The following ESRRB variants were observed in gnomAD, a reference collection of about 807,000 sequenced individuals.
ESRRB encodes steroid hormone receptor ERR2.
Under a neutral mutation model 46.0 loss-of-function variants are expected in ESRRB, and 16 were observed. The observed-to-expected ratio is 0.35, with a 90% CI of 0.24 to 0.53. The LOEUF is 0.53. Among genes scored for constraint, ESRRB ranks in the 20% least tolerant of loss-of-function variants. ESRRB has a pLI of 0.93. For synonymous variants in ESRRB, 246 were observed against 259.6 expected (o/e 0.95, Z 0.50); for missense variants, 488 against 607.4 (o/e 0.80, Z 2.07).
intron 1 of ESRRB, among the ~76,000 whole-genome samples, chr14:76,409,461 C>G (rs776503324): frequency 6.6e-6 from 1 of 152,096 alleles, no homozygotes; most frequent in East Asian, 1.9e-4. Flanking sequence ...GATGCCGTGG[C>G]GACGGTCTTC....
chr14:76,457,327 GAA>G (rs1294887501), intron 2 of ESRRB, among the ~76,000 whole-genome samples: 1 of 152,282 alleles, frequency 6.6e-6, no homozygotes, highest in African/African-American at 2.4e-5. Flanking sequence ...CCAACACCTA[GAA>G]AAGACTTATC....
intron 1 of ESRRB, among the ~76,000 whole-genome samples, chr14:76,414,546 T>A (rs1353972461): frequency 1.3e-5 from 2 of 151,540 alleles, no homozygotes; most frequent in Non-Finnish European, 2.9e-5. Context: ...GCCTCTTTAC[T>A]TTCTTCGCTT....
At chr14:76,352,119 G>A (rs941896330) in intron 1 of ESRRB, among the ~76,000 whole-genome samples, 12 of 151,968 alleles carry the variant, frequency 7.9e-5, no homozygotes, top group Non-Finnish European at 1.6e-4. Flanking sequence ...GAATATGGTG[G>A]TTGGAGCTCC....
intron 1 of ESRRB, among the ~76,000 whole-genome samples, chr14:76,352,675 C>T (rs1018754229): frequency 5.9e-5 from 9 of 152,140 alleles, no homozygotes; most frequent in Non-Finnish European, 1.3e-4. Context: ...ATCTGGCTTT[C>T]TGGTGAGGAT....
chr14:76,311,518 GTTTGC>G (rs1277984089), intron 1 of ESRRB, among the ~76,000 whole-genome samples: 1 of 152,204 alleles, frequency 6.6e-6, no homozygotes, highest in Non-Finnish European at 1.5e-5. Flanking sequence ...CGCGGAGCAA[GTTTGC>G]TTTGAGAAGT....
chr14:76,408,491 AGGT>A (rs1292575967), intron 1 of ESRRB, among the ~76,000 whole-genome samples: 2 of 148,264 alleles, frequency 1.3e-5, no homozygotes, highest in East Asian at 4.2e-4. Flanking sequence ...CCGGAGGCTA[AGGT>A]GGTGGGGCGA....
chr14:76,462,545 G>A lies in ESRRB; in HGVS notation c.461G>A (p.Gly154Glu), dbSNP rs1257306619. 6.2e-7 allele frequency: 1 copy of A among 1,613,450 alleles called. No homozygotes were observed. The highest frequency in any genetic ancestry group is 1.7e-5 in the Admixed American group (1 of 60,014). The change falls in exon 3 of 7, where the codon GGG (glycine) becomes GAG (glutamate). Residue 154 changes from glycine to glutamate, a missense_variant and splice_region_variant. Transcript: ENST00000644823. ...CAACCCTCTCTGTGTCTGGTTGCAGGGAACATTGAGTACAGCTGCCCGGCC... is the reference window on the plus strand; with the variant it reads ...CAACCCTCTCTGTGTCTGGTTGCAGAGAACATTGAGTACAGCTGCCCGGCC... ...CKAFFKRTIQ[G>E]NIEYSCPATN... is the part of the protein sequence containing the mutation.
intron 1 of ESRRB, among the ~76,000 whole-genome samples, chr14:76,430,292 G>A (rs189826752): frequency 6.6e-6 from 1 of 152,204 alleles, no homozygotes; most frequent in East Asian, 1.9e-4. Flanking sequence ...GATGGCCCCT[G>A]GTTAGCAAAT....
intron 1 of ESRRB, among the ~76,000 whole-genome samples, chr14:76,378,053 G>C (rs1369266159): frequency 1.3e-5 from 2 of 152,202 alleles, no homozygotes; most frequent in African/African-American, 4.8e-5. Context: ...CCTGAGGTTA[G>C]TGAGGCTGTG....
chr14:76,350,480 T>A (rs1237985565), intron 1 of ESRRB, among the ~76,000 whole-genome samples: 2 of 152,214 alleles, frequency 1.3e-5, no homozygotes, highest in Admixed American at 1.3e-4. Flanking sequence ...CCCAGGAGAC[T>A]CAAAGTGACT....
intron 1 of ESRRB, among the ~76,000 whole-genome samples, chr14:76,409,098 C>T (rs917178242): frequency 5.9e-5 from 9 of 152,168 alleles, no homozygotes; most frequent in East Asian, 1.9e-4. Flanking sequence ...AAAATGGGAA[C>T]GCCCAGGCTT....
intron 1 of ESRRB, among the ~76,000 whole-genome samples, chr14:76,428,409 AAAG>A (rs769694080): frequency 1.6e-4 from 24 of 152,154 alleles, no homozygotes; most frequent in Non-Finnish European, 3.2e-4. Context: ...TAGCTACTGA[AAAG>A]AAGGATACTA....
At chr14:76,428,393 C>T (rs916656413) in intron 1 of ESRRB, among the ~76,000 whole-genome samples, 2 of 152,092 alleles carry the variant, frequency 1.3e-5, no homozygotes, top group East Asian at 3.9e-4. Flanking sequence ...GATGTCAGAA[C>T]TCCAATAGCT....
At chr14:76,358,343 G>A (rs201397026) in intron 1 of ESRRB, among the ~76,000 whole-genome samples, 7 of 17,164 alleles carry the variant, frequency 4.1e-4, no homozygotes, top group African/African-American at 1.7e-3. Context: ...AAGAAAGAAA[G>A]AAAGAAAGAA....
intron 3 of ESRRB, among the ~76,000 whole-genome samples, chr14:76,480,368 TG>T (rs1432405311): frequency 6.6e-6 from 1 of 152,060 alleles, no homozygotes; most frequent in African/African-American, 2.4e-5. Context: ...TGAAAACACC[TG>T]GGGCAGCAGA....
At chr14:76,332,702 TTA>T (rs1366239911) in intron 1 of ESRRB, among the ~76,000 whole-genome samples, 3 of 40,700 alleles carry the variant, frequency 7.4e-5, no homozygotes, top group Non-Finnish European at 7.7e-5. Flanking sequence ...TATTTATATA[TTA>T]TATATATTTA....
chr14:76,405,553 G>C (rs1217505605), intron 1 of ESRRB, among the ~76,000 whole-genome samples: 1 of 152,144 alleles, frequency 6.6e-6, no homozygotes, highest in Non-Finnish European at 1.5e-5. Flanking sequence ...AGAAGAGGTA[G>C]AATGCTTCCA....
intron 1 of ESRRB, among the ~76,000 whole-genome samples, chr14:76,314,124 T>C (rs7145561): frequency 0.66 from 100,154 of 151,822 alleles, 34,530 homozygotes; most frequent in Admixed American, 0.78. Context: ...CTCAGGGCTG[T>C]TGGGAAAAAA....
At chr14:76,397,870 T>TA (rs1885762273) in intron 1 of ESRRB, among the ~76,000 whole-genome samples, 2 of 152,152 alleles carry the variant, frequency 1.3e-5, no homozygotes. Flanking sequence ...TGGCAGGAGG[T>TA]ATGTGCATGC....
Sources: gnomAD v4.1 joint callset for allele counts (sites outside exome capture counted in the v4.1 genomes callset) on GRCh38, gnomAD v4.1.1 for gene constraint, MANE v1.5 for transcripts, NCBI Gene and HGNC (gene_info 2026-07-23, HGNC 2026-07-21) for gene names.